MICU3: variants seen among roughly 807,000 people sequenced by gnomAD.
The protein encoded by MICU3 is calcium uptake protein 3, mitochondrial.
Under a neutral mutation model 66.5 loss-of-function variants are expected in MICU3, and 62 were observed. The ratio of observed to expected loss-of-function variants is 0.93; its 90% CI spans 0.76 to 1.15. The LOEUF is 1.15. Ranked by LOEUF, MICU3 falls within the 50% of genes most tolerant of loss-of-function variation. The pLI, the probability that MICU3 is intolerant of heterozygous loss-of-function variation, is 0.00. For missense variants in MICU3, 779 were observed against 664.4 expected (o/e 1.17, Z -1.90); for synonymous variants, 308 against 240.7 (o/e 1.28, Z -2.59).
chr8:17,090,414 T>C (rs1328041375), intron 7 of MICU3, 132 bp from the exon 8 acceptor site: 1 of 677,014 alleles, frequency 1.5e-6, no homozygotes, highest in African/African-American at 1.8e-5. Flanking sequence ...TCGTGTGCTC[T>C]ATATAAAATG....
At chr8:17,135,945 T>C in the MICU3 span, among the ~76,000 whole-genome samples, 1 of 152,128 alleles carries the variant, frequency 6.6e-6, no homozygotes, top group East Asian at 1.9e-4. Context: ...AAATAGATCA[T>C]TCTTTTCATT....
Position 17,109,491 on chromosome 8 carries a change from G to C in MICU3, c.1257+3907G>C, listed in dbSNP as rs1392927797. Among the ~76,000 whole-genome samples the C allele has an allele frequency of 3.3e-5, 5 of 152,050 alleles. No individual in the cohort carries two copies. In the South Asian group the frequency reaches 8.3e-4, roughly 25 times the overall value. On this transcript the variant is annotated intron_variant, in intron 11 of 14. Coordinates refer to ENST00000318063, the MANE Select transcript of MICU3 (RefSeq NM_181723.3). ...TATCTATAGAATAGAATAAGGTGCA[G>C]CTGAAGAGAGATGAAAAAAAATTCT...
chr8:17,082,145 C>T (rs1821277500), intron 5 of MICU3, among the ~76,000 whole-genome samples: 1 of 147,782 alleles, frequency 6.8e-6, no homozygotes, highest in Admixed American at 7.0e-5. Flanking sequence ...ACATCTAAAA[C>T]TTCTATTTTC....
intron 10 of MICU3, 122 bp from the exon 11 acceptor site, chr8:17,105,291 T>A: frequency 1.7e-6 from 1 of 591,158 alleles, no homozygotes; most frequent in Non-Finnish European, 2.9e-6. Context: ...ACTTTATTAA[T>A]CTTTGCATCA....
chr8:17,033,857 C>G (rs752321731), intron 1 of MICU3, among the ~76,000 whole-genome samples: 1 of 152,118 alleles, frequency 6.6e-6, no homozygotes, highest in African/African-American at 2.4e-5. Context: ...CATAAAAGTG[C>G]AAGGTGAAGT....
chr8:17,114,023 TTA>T, intron 11 of MICU3, 68 bp from the exon 12 acceptor site: 2 of 964,732 alleles, frequency 2.1e-6, no homozygotes, highest in Non-Finnish European at 3.2e-6. Context: ...TTTTTTTCTC[TTA>T]TGTGTAGATC....
chr8:17,101,581 G>A (rs1228671271), intron 9 of MICU3, among the ~76,000 whole-genome samples: 1 of 151,806 alleles, frequency 6.6e-6, no homozygotes, highest in Non-Finnish European at 1.5e-5. Flanking sequence ...AGAAAAACTG[G>A]CCGAATGAGG....
intron 1 of MICU3, among the ~76,000 whole-genome samples, chr8:17,041,242 A>G (rs1814018119): frequency 6.6e-6 from 1 of 152,112 alleles, no homozygotes. Context: ...GAAAGTCTGC[A>G]AAAGCTGAAA....
At chr8:17,038,304 C>T (rs1259979209) in intron 1 of MICU3, among the ~76,000 whole-genome samples, 1 of 152,058 alleles carries the variant, frequency 6.6e-6, no homozygotes, top group Non-Finnish European at 1.5e-5. Flanking sequence ...TGGGTTTTTC[C>T]CATGCTGTTG....
At chr8:17,110,739 GGA>G (rs1490120052) in intron 11 of MICU3, among the ~76,000 whole-genome samples, 4 of 146,452 alleles carry the variant, frequency 2.7e-5, no homozygotes, top group South Asian at 2.2e-4. Flanking sequence ...ATTTTTTTGG[GGA>G]GGGGGGGGTA....
intron 1 of MICU3, among the ~76,000 whole-genome samples, chr8:17,031,522 C>G (rs1002327718): frequency 7.9e-5 from 12 of 151,830 alleles, no homozygotes; most frequent in Non-Finnish European, 1.6e-4. Context: ...CTCCTGACCT[C>G]AAGTTCCGCC....
At chr8:17,129,193 G>A in the MICU3 span, among the ~76,000 whole-genome samples, 1 of 152,134 alleles carries the variant, frequency 6.6e-6, no homozygotes, top group East Asian at 1.9e-4. Context: ...CTCAATACCT[G>A]CACAGGAAGA....
At chr8:17,135,410 T>A in the MICU3 span, among the ~76,000 whole-genome samples, 630 of 150,168 alleles carry the variant, frequency 4.2e-3, 5 homozygotes, top group Non-Finnish European at 7.3e-3. Flanking sequence ...AAAAAAAAAA[T>A]GGACATTTTT....
chr8:17,066,922 A>G (rs1297627431), intron 2 of MICU3, among the ~76,000 whole-genome samples: 4 of 152,124 alleles, frequency 2.6e-5, no homozygotes, highest in Admixed American at 2.0e-4. Flanking sequence ...CACTGGAAGC[A>G]CACTGTTCGA....
At chr8:17,079,738 C>T (rs933905157) in intron 4 of MICU3, among the ~76,000 whole-genome samples, 2 of 152,034 alleles carry the variant, frequency 1.3e-5, no homozygotes, top group Non-Finnish European at 2.9e-5. Context: ...AAACGGTCCT[C>T]TTGCCTCGGC....
chr8:17,096,953 A>G (rs1800760133), intron 8 of MICU3, among the ~76,000 whole-genome samples: 1 of 106,786 alleles, frequency 9.4e-6, no homozygotes, highest in African/African-American at 3.5e-5. Flanking sequence ...TTCTAAATAT[A>G]TTTGTGTGTG....
chr8:17,121,949 A>T lies in MICU3; in HGVS notation c.*1662A>T, dbSNP rs1803225241. On this transcript the variant is annotated 3_prime_UTR_variant, in exon 15 of 15. Transcript: ENST00000318063. ...ATTTTACCTTACACTGAATGTTCTT[A>T]ATATGATTTGGTACCTAAAGTAATT... is the stretch of plus-strand genomic sequence containing the variant. The T allele has an allele frequency of 4.0e-5, 6 of 151,812 alleles. No homozygotes were observed. The highest frequency in any genetic ancestry group is 3.9e-4 in the Admixed American group (6 of 15,250). 9.4% of individuals were successfully genotyped at this position (151,812 alleles called of 1,614,324 possible).
At chr8:17,099,139 G>A (rs1187396743) in intron 9 of MICU3, among the ~76,000 whole-genome samples, 1 of 151,694 alleles carries the variant, frequency 6.6e-6, no homozygotes. Context: ...GGAGTGGGCT[G>A]CTTCCATTAT....
chr8:17,104,560 G>A (rs1801565494), intron 10 of MICU3, 69 bp downstream of exon 10: 3 of 762,596 alleles, frequency 3.9e-6, no homozygotes, highest in South Asian at 3.4e-5. Context: ...TTTAGAAATT[G>A]TCTAGTACAG....
Sources: gnomAD v4.1 joint callset for allele counts (sites outside exome capture counted in the v4.1 genomes callset) on GRCh38, gnomAD v4.1.1 for gene constraint, MANE v1.5 for transcripts, NCBI Gene and HGNC (gene_info 2026-07-23, HGNC 2026-07-21) for gene names.